AMPD1: variants seen among roughly 807,000 people sequenced by gnomAD.
AMPD1 encodes AMP deaminase 1.
AMPD1 carries 74 observed loss-of-function variants against 82.9 expected under a neutral mutation model. The ratio of observed to expected loss-of-function variants is 0.89; its 90% CI spans 0.74 to 1.08. The LOEUF is 1.08. Among genes scored for constraint, AMPD1 ranks in the 50% least tolerant of loss-of-function variants. The probability of loss-of-function intolerance (pLI) is 0.00; values close to 1 mark genes in which losing one functional copy is unlikely to be tolerated. For synonymous variants in AMPD1, 333 were observed against 320.5 expected (o/e 1.04, Z -0.42); for missense variants, 881 against 924.5 (o/e 0.95, Z 0.61).
chr1:114,695,530 T>TG lies in AMPD1; in HGVS notation c.-60dup, dbSNP rs770393080. 153 of 1,614,020 alleles carry TG rather than the reference T, an allele frequency of 9.5e-5. No homozygotes were observed. Among genetic ancestry groups the TG allele is most frequent in the Non-Finnish European group, 1.2e-4 (139 of 1,180,016 alleles). ...GTAGAAAAGAAGAGAGAGGAGACTG[T>TG]GGGGTGACTGACTGACACTATAAAA... On this transcript the variant is annotated 5_prime_UTR_variant, in exon 1 of 16. Transcript: ENST00000520113.
chr1:114,694,978 T>G (rs1317438736), intron 1 of AMPD1, among the ~76,000 whole-genome samples: 1 of 152,266 alleles, frequency 6.6e-6, no homozygotes, highest in Non-Finnish European at 1.5e-5. Context: ...CTTTTATCAT[T>G]TAAAAATTAT....
chr1:114,678,236 G>A (rs1658057516), intron 8 of AMPD1, 97 bp downstream of exon 8: 3 of 1,514,680 alleles, frequency 2.0e-6, no homozygotes, highest in Non-Finnish European at 1.8e-6. Context: ...GGTAAGCCAA[G>A]ATGGTTAAGA....
Position 114,677,515 on chromosome 1 carries a change from C to G in AMPD1, c.1225-1G>C, listed in dbSNP as rs144261778. ...CCTCCACCAGGTCCGCACCTACCTC[C>G]TGCAAAGCCAAGAGAGAAGTCCAAG... On this transcript the variant is annotated splice_acceptor_variant, in intron 9 of 15. Transcript: ENST00000520113. LOFTEE classifies it high-confidence loss of function. 21 of 1,613,522 alleles carry G rather than the reference C, an allele frequency of 1.3e-5. No homozygotes were observed. The highest frequency in any genetic ancestry group is 1.5e-5 in the Non-Finnish European group (18 of 1,179,888).
intron 5 of AMPD1, among the ~76,000 whole-genome samples, chr1:114,681,065 T>G (rs1306121063): frequency 6.6e-6 from 1 of 152,230 alleles, no homozygotes; most frequent in Non-Finnish European, 1.5e-5. Context: ...ATATACTACT[T>G]ACAAACAATC....
chr1:114,688,021 G>A (rs1407861930), intron 3 of AMPD1, among the ~76,000 whole-genome samples: 2 of 152,134 alleles, frequency 1.3e-5, no homozygotes, highest in African/African-American at 4.8e-5. Context: ...GGGTAGGGAG[G>A]CTTCAATCAA....
At chr1:114,675,097 T>C (rs1273402734) in intron 12 of AMPD1, 2 of 598,016 alleles carry the variant, frequency 3.3e-6, no homozygotes, top group Non-Finnish European at 5.9e-6. Flanking sequence ...ATTGCCTGGA[T>C]GGAAATACGT....
chr1:114,676,252 G>T, intron 10 of AMPD1: 1 of 462,448 alleles, frequency 2.2e-6, no homozygotes, highest in Admixed American at 3.4e-5. Flanking sequence ...TTTGTCATAA[G>T]AAAACTAAAC....
In AMPD1 at chr1:114,677,425, T is replaced by C. The variant is rs1658020585; in HGVS notation, c.1314A>G (p.Lys438=). ...GATTGCAGACGAACCAGGAGGAGAG[T>C]TTGCTCCACTCATCAGGACTGCGGC... ...IYGRSPDEWS[K]LSSWFVCNRI... is the part of the protein sequence containing the mutation. The change falls in exon 10 of 16, where the codon AAA becomes AAG. Residue 438 remains lysine, a synonymous_variant. Transcript: ENST00000520113. The C allele has an allele frequency of 6.2e-7, 1 of 1,609,474 alleles. No individual in the cohort carries two copies. The highest frequency in any genetic ancestry group is 1.4e-5 in the African/African-American group (1 of 73,208).
intron 15 of AMPD1, 58 bp downstream of exon 15, chr1:114,673,581 G>A (rs1039330136): frequency 1.2e-5 from 17 of 1,362,548 alleles, no homozygotes; most frequent in African/African-American, 2.9e-5. Context: ...CTACTTTTTC[G>A]GTATTCAAGT....
intron 1 of AMPD1, among the ~76,000 whole-genome samples, chr1:114,693,666 A>T (rs938717084): frequency 1.3e-5 from 2 of 152,188 alleles, no homozygotes; most frequent in Non-Finnish European, 2.9e-5. Context: ...CTTAACATTT[A>T]TAAGTATACT....
In AMPD1 at chr1:114,678,492, G is replaced by C. The variant is rs1217398592; in HGVS notation, c.933C>G (p.Asn311Lys). Residue 311 changes from asparagine (N) to lysine (K), a missense_variant, in exon 8 of 16, where the codon AAC (asparagine) becomes AAG (lysine). Transcript: ENST00000520113. ...DTHIHAAACM[N>K]QKHLLRFIKK... ...TAATAAAACGCAGCAGATGTTTCTG[G>C]TTCATGCAAGCGGCTGCATGGATAT... is the stretch of plus-strand genomic sequence containing the variant. 6.2e-7 allele frequency: 1 copy of C among 1,614,010 alleles called. No individual in the cohort carries two copies. Among genetic ancestry groups the C allele is most frequent in the African/African-American group, 1.3e-5 (1 of 74,900 alleles).
intron 2 of AMPD1, among the ~76,000 whole-genome samples, chr1:114,689,309 C>G (rs1033977514): frequency 6.6e-6 from 1 of 152,026 alleles, no homozygotes; most frequent in Non-Finnish European, 1.5e-5. Context: ...ATCCAGACAA[C>G]TTGGTGATAT....
chr1:114,679,377 G>C (rs1658087367), intron 7 of AMPD1, among the ~76,000 whole-genome samples: 2 of 152,152 alleles, frequency 1.3e-5, no homozygotes, highest in Non-Finnish European at 2.9e-5. Context: ...CAAAAATGTG[G>C]CAAACCTTTC....
intron 9 of AMPD1, 107 bp downstream of exon 9, chr1:114,677,803 T>A: frequency 1.0e-5 from 2 of 197,496 alleles, no homozygotes; most frequent in Non-Finnish European, 1.5e-5. Flanking sequence ...CTCTCCCTCC[T>A]TCCTTCCTTC....
At chr1:114,693,612 G>T (rs1557976111) in intron 1 of AMPD1, among the ~76,000 whole-genome samples, 165 bp from the exon 2 acceptor site, 1 of 152,152 alleles carries the variant, frequency 6.6e-6, no homozygotes, top group Non-Finnish European at 1.5e-5. Context: ...TGGGAATATG[G>T]TCATTATACA....
intron 10 of AMPD1, 57 bp from the exon 11 acceptor site, chr1:114,676,060 C>CCCAG (rs1657972868): frequency 8.2e-6 from 13 of 1,587,090 alleles, no homozygotes; most frequent in Non-Finnish European, 1.1e-5. Context: ...GACTGATAGC[C>CCCAG]CCAGTATGAG....
Position 114,677,892 on chromosome 1 carries a change from T to G in AMPD1, c.1224+18A>C, listed in dbSNP as rs1658046546. ...AGAACCATGCCAGATACCATAGATG[T>G]GATTGGTTCCGCCTCACCTTGATGA... On this transcript the variant is annotated intron_variant, in intron 9 of 15. Coordinates refer to ENST00000520113, the MANE Select transcript of AMPD1 (RefSeq NM_000036.3). The G allele has an allele frequency of 6.2e-7, 1 of 1,610,686 alleles. No homozygotes were observed. The highest frequency in any genetic ancestry group is 1.3e-5 in the African/African-American group (1 of 74,400).
intron 7 of AMPD1, 22 bp downstream of exon 7, chr1:114,679,557 C>G: frequency 6.2e-7 from 1 of 1,613,528 alleles, no homozygotes; most frequent in Non-Finnish European, 8.5e-7. Flanking sequence ...AGGAATTACC[C>G]CTGAGCAACT....
At chr1:114,677,621 G>T in intron 9 of AMPD1, 107 bp from the exon 10 acceptor site, 1 of 1,461,030 alleles carries the variant, frequency 6.8e-7, no homozygotes, top group Non-Finnish European at 9.5e-7. Context: ...ATCTGAAAAG[G>T]CTAGGTCCTT....
Sources: gnomAD v4.1 joint callset for allele counts (sites outside exome capture counted in the v4.1 genomes callset) on GRCh38, gnomAD v4.1.1 for gene constraint, MANE v1.5 for transcripts, NCBI Gene and HGNC (gene_info 2026-07-23, HGNC 2026-07-21) for gene names.